LDLRAD4: variants seen among roughly 807,000 people sequenced by gnomAD.
LDLRAD4 encodes the protein low density lipoprotein receptor class A domain containing 4.
In LDLRAD4, 5 loss-of-function variants were observed where a neutral mutation model predicts 17.0. The observed-to-expected ratio is 0.29, with a 90% confidence interval of 0.15 to 0.62. The LOEUF (loss-of-function observed/expected upper bound fraction) is 0.62, where lower values mean the gene tolerates loss of function less well. Among genes scored for constraint, LDLRAD4 ranks in the 20% least tolerant of loss-of-function variants. The probability of loss-of-function intolerance (pLI) is 0.84; values close to 1 mark genes in which losing one functional copy is unlikely to be tolerated. For missense variants in LDLRAD4, 340 were observed against 424.7 expected (o/e 0.80, Z 1.75); for synonymous variants, 168 against 171.8 (o/e 0.98, Z 0.17).
At chr18:13,432,316 A>G (rs1340946227) in intron 2 of LDLRAD4, among the ~76,000 whole-genome samples, 3 of 152,260 alleles carry the variant, frequency 2.0e-5, no homozygotes, top group South Asian at 2.1e-4. Flanking sequence ...TGTTTTGGCA[A>G]CTTTGTGGAA....
At chr18:13,431,320 C>A (rs1314120409) in intron 2 of LDLRAD4, among the ~76,000 whole-genome samples, 1 of 152,194 alleles carries the variant, frequency 6.6e-6, no homozygotes, top group African/African-American at 2.4e-5. Flanking sequence ...CGGTACTGTT[C>A]TATGTAAGAA....
chr18:13,248,475 A>T (rs994091167), intron 1 of LDLRAD4, among the ~76,000 whole-genome samples: 1 of 152,226 alleles, frequency 6.6e-6, no homozygotes, highest in African/African-American at 2.4e-5. Flanking sequence ...CGACCACCCC[A>T]TAAGATGTGA....
At chr18:13,491,950 T>C (rs2093367005) in intron 3 of LDLRAD4, among the ~76,000 whole-genome samples, 1 of 152,192 alleles carries the variant, frequency 6.6e-6, no homozygotes, top group Non-Finnish European at 1.5e-5. Flanking sequence ...CATCATTCAA[T>C]TGATGGATGA....
At chr18:13,612,365 G>GACTT in intron 3 of LDLRAD4, 1 of 1,159,216 alleles carries the variant, frequency 8.6e-7, no homozygotes, top group Non-Finnish European at 1.1e-6. Context: ...GGAGACCCCG[G>GACTT]ACTTATTCTC....
intron 1 of LDLRAD4, among the ~76,000 whole-genome samples, chr18:13,358,245 C>G (rs1289636547): frequency 6.6e-6 from 1 of 151,900 alleles, no homozygotes; most frequent in East Asian, 1.9e-4. Flanking sequence ...TGGACAGAGC[C>G]AGGGATGTAT....
rs1489931307 is a variant in LDLRAD4, at chr18:13,621,688, A to T, written c.336+417A>T. ...CCTGGAGGTGCTGCGGGGACAAATC[A>T]CGCGCTCATCGTCACTAAACGTGCC... is the stretch of plus-strand genomic sequence containing the variant. On this transcript the variant is annotated intron_variant, in intron 4 of 5. Coordinates refer to ENST00000359446, the Ensembl canonical transcript of LDLRAD4. The surrounding 1 kb of genome is among the most constrained non-coding windows in gnomAD (Gnocchi z 5.5). 2.0e-5 allele frequency among the ~76,000 whole-genome samples: 3 copies of T among 152,126 alleles called. No individual in the cohort carries two copies. Among genetic ancestry groups the T allele is most frequent in the African/African-American group, 4.8e-5 (2 of 41,418 alleles).
chr18:13,330,519 A>T (rs1835627887), intron 1 of LDLRAD4, among the ~76,000 whole-genome samples: 1 of 152,090 alleles, frequency 6.6e-6, no homozygotes, highest in South Asian at 2.1e-4. Context: ...ATTGGTGGTT[A>T]TTCCTGGAAA....
At chr18:13,547,573 C>T (rs904802785) in intron 3 of LDLRAD4, among the ~76,000 whole-genome samples, 2 of 152,198 alleles carry the variant, frequency 1.3e-5, no homozygotes, top group South Asian at 2.1e-4. Context: ...TGCAGAGTGG[C>T]GAGGGGTGCA....
chr18:13,301,273 ACT>A (rs1450997556), intron 1 of LDLRAD4, among the ~76,000 whole-genome samples: 1 of 152,008 alleles, frequency 6.6e-6, no homozygotes, highest in African/African-American at 2.4e-5. Flanking sequence ...AACCCAGAAC[ACT>A]CTTTCCCCAC....
chr18:13,386,926 AGATAGATAGATAGATAGATAGATGGATG>A (rs1568082700), intron 1 of LDLRAD4, among the ~76,000 whole-genome samples: 2 of 55,074 alleles, frequency 3.6e-5, no homozygotes, highest in Admixed American at 1.9e-4. Context: ...ATAGATAGAT[AGATAGATAGATAGATAGATAGATGGATG>A]GATGGATAGA....
chr18:13,588,909 CTTTTCTT>C (rs1412493906), intron 3 of LDLRAD4, among the ~76,000 whole-genome samples: 32 of 151,234 alleles, frequency 2.1e-4, no homozygotes, highest in Admixed American at 2.0e-3. Flanking sequence ...CATCTTTTTC[CTTTTCTT>C]TTTTTTTTCT....
At chr18:13,383,208 G>A (rs10853232) in intron 1 of LDLRAD4, among the ~76,000 whole-genome samples, 93,905 of 152,118 alleles carry the variant, frequency 0.62, 29,345 homozygotes, top group Non-Finnish European at 0.67. Context: ...GAAGCTTCAC[G>A]TAAGTGTCTT....
chr18:13,414,643 C>CTCAT (rs2088702957), intron 2 of LDLRAD4, among the ~76,000 whole-genome samples: 1 of 152,250 alleles, frequency 6.6e-6, no homozygotes, highest in Admixed American at 6.5e-5. Context: ...ACCAAAAGGA[C>CTCAT]TCATTATCTC....
Position 13,300,231 on chromosome 18 carries a change from C to A in LDLRAD4, c.-383+22043C>A, listed in dbSNP as rs1177846592. On this transcript the variant is annotated intron_variant, in intron 1 of 5. Coordinates refer to ENST00000359446, the Ensembl canonical transcript of LDLRAD4. The surrounding 1 kb of genome is among the most constrained non-coding windows in gnomAD (Gnocchi z 4.2). ...TCCTTACAGTTGGAGTCTGTCCAGGCACAGCAGAGAGCCAGGCCCGCAGAG... is the reference window on the plus strand; with the variant it reads ...TCCTTACAGTTGGAGTCTGTCCAGGAACAGCAGAGAGCCAGGCCCGCAGAG... 1.3e-5 allele frequency among the ~76,000 whole-genome samples: 2 copies of A among 152,196 alleles called. No homozygotes were observed. The highest frequency in any genetic ancestry group is 1.3e-4 in the Admixed American group (2 of 15,280).
At chr18:13,590,309 C>T (rs1785105) in intron 3 of LDLRAD4, among the ~76,000 whole-genome samples, 134,747 of 148,568 alleles carry the variant, frequency 0.91, 61,024 homozygotes, top group East Asian at 1. Flanking sequence ...GGTGTATGTG[C>T]GTGTGTTGGT....
intron 2 of LDLRAD4, among the ~76,000 whole-genome samples, chr18:13,413,494 G>A (rs561469848): frequency 6.6e-6 from 1 of 152,196 alleles, no homozygotes; most frequent in African/African-American, 2.4e-5. Context: ...GTGATCAATC[G>A]AGGCCTCAGG....
chr18:13,236,271 G>A (rs1015400687), intron 1 of LDLRAD4, among the ~76,000 whole-genome samples: 5 of 149,118 alleles, frequency 3.4e-5, no homozygotes, highest in Non-Finnish European at 1.5e-5. Context: ...TTTCCCCCTG[G>A]AACCATCATT....
At chr18:13,442,786 C>T (rs929234368) in intron 3 of LDLRAD4, among the ~76,000 whole-genome samples, 1 of 152,224 alleles carries the variant, frequency 6.6e-6, no homozygotes, top group African/African-American at 2.4e-5. Flanking sequence ...GTGGTCTGTG[C>T]AGCCTGGCAA....
rs8097777 is a variant in LDLRAD4 at position 13,565,670 on chromosome 18, G to A, written c.182-55447G>A. 2.5e-3 allele frequency among the ~76,000 whole-genome samples: 375 copies of A among 152,300 alleles called. 1 individual carries two copies. Among genetic ancestry groups the A allele is most frequent in the African/African-American group, 8.4e-3 (351 of 41,568 alleles). ...AGACAGACAAAAGGGTTCTATTGTG[G>A]CTCATGCCGTGAGCATAACCTTTCT... On this transcript the variant is annotated intron_variant, in intron 3 of 5. Transcript: ENST00000359446.
Sources: allele counts gnomAD v4.1 joint callset (sites outside exome capture counted in the v4.1 genomes callset), GRCh38; gene constraint gnomAD v4.1.1; non-coding constraint Gnocchi (gnomAD v3.1); transcripts MANE v1.5; gene names NCBI Gene and HGNC (gene_info 2026-07-23, HGNC 2026-07-21).